Variants in KPNA5 observed in about 807,000 individuals in gnomAD.
KPNA5 encodes the protein karyopherin subunit alpha 5.
KPNA5 carries 46 observed loss-of-function variants against 71.3 expected under a neutral mutation model. The ratio of observed to expected loss-of-function variants is 0.65; its 90% CI spans 0.51 to 0.83. The LOEUF is 0.83. KPNA5 is among the 40% of genes least tolerant of loss of function. KPNA5 has a pLI of 0.00. For synonymous variants in KPNA5, 207 were observed against 201.4 expected, an observed-to-expected ratio of 1.03 and a Z score of -0.24; for missense variants, 547 against 628.3, an observed-to-expected ratio of 0.87 and a Z score of 1.38.
rs1228565341 is a variant in KPNA5, at chr6:116,681,512, G to A, written c.4+174G>A. On this transcript the variant is annotated intron_variant, in intron 1 of 13. Coordinates refer to ENST00000368564, the MANE Select transcript of KPNA5 (RefSeq NM_001366306.2). The stretch of plus-strand genomic sequence containing the variant: ...CCCCAGGGCGACAGCGGTCGCGGGG[G>A]CGTGGCAGCCGGACCTTTCCCTTGC... The A allele has an allele frequency of 2.9e-6, 4 of 1,363,786 alleles. No homozygotes were observed. In the African/African-American group the frequency reaches 6.1e-5, roughly 21 times the overall value. 84.5% of individuals were successfully genotyped at this position (1,363,786 alleles called of 1,614,324 possible).
chr6:116,694,599 GT>G (rs1454341646), intron 4 of KPNA5, among the ~76,000 whole-genome samples: 1 of 152,044 alleles, frequency 6.6e-6, no homozygotes, highest in Non-Finnish European at 1.5e-5. Context: ...TATCCTGAGA[GT>G]TTGCTGAATT....
chr6:116,695,720 C>T (rs1018942237), intron 4 of KPNA5, among the ~76,000 whole-genome samples: 5 of 152,150 alleles, frequency 3.3e-5, no homozygotes, highest in Non-Finnish European at 7.4e-5. Context: ...TCAAGAATGG[C>T]TTCTTTCTTC....
chr6:116,741,324 A>G lies in KPNA5; in HGVS notation c.*9001A>G, dbSNP rs72962075. 7.3e-5 allele frequency: 11 copies of G among 151,356 alleles called. No homozygotes were observed. The highest frequency in any genetic ancestry group is 1.6e-4 in the Non-Finnish European group (11 of 67,856). 9.4% of individuals were successfully genotyped at this position (151,356 alleles called of 1,614,324 possible). A position where few individuals can be genotyped will look rare whatever the true frequency, so the allele number is the denominator to read the frequency against. ...TTTTTGTGTTTTATATGTTTTTTAC[A>G]TTATTTTGTGCATAGAAATTTAGAA... On this transcript the variant is annotated 3_prime_UTR_variant, in exon 14 of 14. Coordinates refer to ENST00000368564, the MANE Select transcript of KPNA5 (RefSeq NM_001366306.2).
intron 7 of KPNA5, among the ~76,000 whole-genome samples, chr6:116,714,893 A>C (rs1387292000): frequency 6.6e-6 from 1 of 152,186 alleles, no homozygotes; most frequent in Admixed American, 6.5e-5. Context: ...TACTCCTTCC[A>C]GAACCAGGAA....
At chr6:116,714,306 C>T (rs1778808236) in intron 7 of KPNA5, among the ~76,000 whole-genome samples, 1 of 152,172 alleles carries the variant, frequency 6.6e-6, no homozygotes, top group African/African-American at 2.4e-5. Flanking sequence ...TCCCTTAACT[C>T]AGTGGGTAGC....
At chr6:116,698,039 A>G (rs1443882932) in intron 4 of KPNA5, among the ~76,000 whole-genome samples, 2 of 152,028 alleles carry the variant, frequency 1.3e-5, no homozygotes, top group African/African-American at 4.8e-5. Context: ...ATCCCAAAAG[A>G]ACACCAATAG....
intron 12 of KPNA5, among the ~76,000 whole-genome samples, chr6:116,728,471 T>G (rs943964511): frequency 6.6e-6 from 1 of 152,144 alleles, no homozygotes; most frequent in Non-Finnish European, 1.5e-5. Flanking sequence ...CTATTGCCAG[T>G]TATTGTGCTA....
At chr6:116,685,163 T>C (rs1192953515) in intron 1 of KPNA5, among the ~76,000 whole-genome samples, 2 of 152,156 alleles carry the variant, frequency 1.3e-5, no homozygotes, top group Non-Finnish European at 2.9e-5. Context: ...TGATAAACCG[T>C]GATCTGTCCC....
At chr6:116,723,753 A>G (rs1007689787) in intron 9 of KPNA5, among the ~76,000 whole-genome samples, 1 of 152,214 alleles carries the variant, frequency 6.6e-6, no homozygotes, top group African/African-American at 2.4e-5. Context: ...GCATCAAGAG[A>G]TGCTAAAATC....
intron 7 of KPNA5, among the ~76,000 whole-genome samples, chr6:116,707,901 C>T (rs907103775): frequency 2.0e-5 from 3 of 152,204 alleles, no homozygotes; most frequent in Admixed American, 6.5e-5. Context: ...ACCCAGTACC[C>T]ATTAAGCAGT....
intron 1 of KPNA5, among the ~76,000 whole-genome samples, chr6:116,683,073 C>A (rs147017488): frequency 3.5e-4 from 53 of 152,308 alleles, no homozygotes; most frequent in African/African-American, 1.3e-3. Context: ...GATTAATGGT[C>A]TCATAAGTAG....
At chr6:116,727,145 A>T (rs1046028286) in intron 12 of KPNA5, among the ~76,000 whole-genome samples, 1 of 151,930 alleles carries the variant, frequency 6.6e-6, no homozygotes, top group Admixed American at 6.6e-5. Flanking sequence ...TCTGCTGACA[A>T]TGTAAATAAT....
intron 9 of KPNA5, 23 bp from the exon 10 acceptor site, chr6:116,724,274 G>T (rs770836657): frequency 6.6e-7 from 1 of 1,522,414 alleles, no homozygotes; most frequent in Admixed American, 1.7e-5. Context: ...TAGTATTTAG[G>T]TTCATGTTTT....
intron 7 of KPNA5, among the ~76,000 whole-genome samples, chr6:116,712,390 T>A (rs1216736495): frequency 6.6e-6 from 1 of 152,358 alleles, no homozygotes; most frequent in South Asian, 2.1e-4. Context: ...AAATCGCTTC[T>A]CGGCCTTTTG....
Position 116,740,447 on chromosome 6 carries a change from T to G in KPNA5, c.*8124T>G, listed in dbSNP as rs1323672333. ...GGAAGTCAGTTTGGCGATTCCTCAG[T>G]GATCTAGAACTAGAAATACCATTTG... On this transcript the variant is annotated 3_prime_UTR_variant, in exon 14 of 14. Transcript: ENST00000368564. 5.3e-5 allele frequency: 8 copies of G among 152,226 alleles called. No homozygotes were observed. The highest frequency in any genetic ancestry group is 7.4e-5 in the Non-Finnish European group (5 of 67,992). The allele number at this position is 152,226 out of a possible 1,614,324, so 9.4% of individuals were successfully genotyped here. A position where few individuals can be genotyped will look rare whatever the true frequency, so the allele number is the denominator to read the frequency against.
At position 116,740,618 on chromosome 6, in the gene KPNA5, G is replaced by T. The variant is rs1779838791; in HGVS notation, c.*8295G>T. ...CCAAATGTCCAACAATGATAGACTG[G>T]ATTAAGAAAATGTGGCACATATACA... is the stretch of plus-strand genomic sequence containing the variant. On this transcript the variant is annotated 3_prime_UTR_variant, in exon 14 of 14. Transcript: ENST00000368564. The T allele has an allele frequency of 6.6e-6, 1 of 152,090 alleles. No homozygotes were observed. The highest frequency in any genetic ancestry group is 1.5e-5 in the Non-Finnish European group (1 of 68,030). The allele number at this position is 152,090 out of a possible 1,614,324, so 9.4% of individuals were successfully genotyped here.
chr6:116,691,765 T>C (rs1777808589), intron 2 of KPNA5, among the ~76,000 whole-genome samples: 1 of 152,230 alleles, frequency 6.6e-6, no homozygotes, highest in African/African-American at 2.4e-5. Context: ...TTTTAAGTGC[T>C]ATAAAATGAC....
intron 7 of KPNA5, among the ~76,000 whole-genome samples, chr6:116,711,181 A>G (rs1457589112): frequency 6.6e-6 from 1 of 150,726 alleles, no homozygotes; most frequent in African/African-American, 2.4e-5. Context: ...GGTGTGAGCC[A>G]CCGCGCCCAG....
chr6:116,741,512 C>T lies in KPNA5; in HGVS notation c.*9189C>T, dbSNP rs1215915574. 1 of 152,154 alleles carries T rather than the reference C, an allele frequency of 6.6e-6. No homozygotes were observed. The highest frequency in any genetic ancestry group is 1.5e-5 in the Non-Finnish European group (1 of 67,976). The allele number at this position is 152,154 out of a possible 1,614,324, so 9.4% of individuals were successfully genotyped here. ...CCTTTGGTCTTTGTGGTAGAAATGA[C>T]AGACTTTTTCATTGAATGATGAGGA... On this transcript the variant is annotated 3_prime_UTR_variant, in exon 14 of 14. Coordinates refer to ENST00000368564, the MANE Select transcript of KPNA5 (RefSeq NM_001366306.2).
Sources: allele counts gnomAD v4.1 joint callset (sites outside exome capture counted in the v4.1 genomes callset), GRCh38; gene constraint gnomAD v4.1.1; transcripts MANE v1.5; gene names NCBI Gene and HGNC (gene_info 2026-07-23, HGNC 2026-07-21).